The following TAF4 variants were observed in gnomAD, a reference collection of about 807,000 sequenced individuals.
TAF4 encodes TATA-box binding protein associated factor 4.
Under a neutral mutation model 90.3 loss-of-function variants are expected in TAF4, and 9 were observed. The observed-to-expected ratio is 0.10, with a 90% CI of 0.06 to 0.17. The LOEUF (loss-of-function observed/expected upper bound fraction) is 0.17, where lower values mean the gene tolerates loss of function less well. TAF4 is among the 10% of genes least tolerant of loss of function. The probability of loss-of-function intolerance (pLI) is 1.00; values close to 1 mark genes in which losing one functional copy is unlikely to be tolerated. For synonymous variants in TAF4, 818 were observed against 638.9 expected (o/e 1.28, Z -4.23); for missense variants, 1,351 against 1,370.7 (o/e 0.99, Z 0.23).
chr20:62,063,192 T>C (rs1600868505), intron 1 of TAF4, among the ~76,000 whole-genome samples: 1 of 151,952 alleles, frequency 6.6e-6, no homozygotes, highest in African/African-American at 2.4e-5. Context: ...AGACAGGCTT[T>C]CCCCACCCCT....
At chr20:62,063,930 G>A (rs906740393) in intron 1 of TAF4, among the ~76,000 whole-genome samples, 9 of 152,240 alleles carry the variant, frequency 5.9e-5, no homozygotes, top group African/African-American at 2.2e-4. Context: ...GTCCTCGCCT[G>A]GAGACTGAAG....
At chr20:62,011,560 A>T (rs1025980595) in intron 3 of TAF4, among the ~76,000 whole-genome samples, 2 of 152,240 alleles carry the variant, frequency 1.3e-5, no homozygotes, top group Non-Finnish European at 2.9e-5. Flanking sequence ...ACCAAAGGCC[A>T]GCACACATCT....
At chr20:62,034,325 A>AT in intron 1 of TAF4, among the ~76,000 whole-genome samples, 1 of 152,216 alleles carries the variant, frequency 6.6e-6, no homozygotes, top group South Asian at 2.1e-4. Flanking sequence ...AGAAAACGCA[A>AT]TTTTTTGTTT....
Position 62,065,061 on chromosome 20 carries a change from G to T in TAF4, c.750C>A (p.Pro250=), listed in dbSNP as rs2056118564. The T allele has an allele frequency of 1.3e-5, 11 of 851,972 alleles. No homozygotes were observed. The highest frequency in any genetic ancestry group is 1.4e-5 in the Non-Finnish European group (10 of 717,822). The allele number at this position is 851,972 out of a possible 1,614,324, so 52.8% of individuals were successfully genotyped here. Residue 250 remains proline, a synonymous_variant, in exon 1 of 15, where the codon CCC becomes CCA. Coordinates refer to ENST00000252996, the MANE Select transcript of TAF4 (RefSeq NM_003185.4). ...CGGGGGGCGAGGGCGCGGCGGGCGCGGGGGGCGCGGCGGCGCCCACGAAGG... is the reference window on the plus strand; with the variant it reads ...CGGGGGGCGAGGGCGCGGCGGGCGCTGGGGGCGCGGCGGCGCCCACGAAGG... ...TPPFVGAAAP[P]APAAPSPPAA...
intron 1 of TAF4, among the ~76,000 whole-genome samples, chr20:62,019,167 A>G (rs375654470): frequency 6.6e-6 from 1 of 152,226 alleles, no homozygotes; most frequent in Non-Finnish European, 1.5e-5. Flanking sequence ...TTCTTCACAG[A>G]AAGTTTAATA....
At chr20:62,000,353 C>A in intron 10 of TAF4, 99 bp from the exon 11 acceptor site, 1 of 1,507,806 alleles carries the variant, frequency 6.6e-7, no homozygotes, top group Non-Finnish European at 8.9e-7. Context: ...TTTATACAAC[C>A]CAAGGGGAGC....
intron 14 of TAF4, among the ~76,000 whole-genome samples, chr20:61,984,108 C>T (rs2055567318): frequency 6.6e-6 from 1 of 152,170 alleles, no homozygotes; most frequent in Non-Finnish European, 1.5e-5. Flanking sequence ...GTCAAGTGGA[C>T]AAAACTAAGC....
chr20:62,062,726 C>A (rs2056096236), intron 1 of TAF4, among the ~76,000 whole-genome samples: 2 of 152,170 alleles, frequency 1.3e-5, no homozygotes, highest in African/African-American at 4.8e-5. Context: ...TCATGATAAA[C>A]ACAGCAGAGA....
chr20:61,977,513 C>A (rs1372655037), intron 14 of TAF4, among the ~76,000 whole-genome samples: 2 of 152,226 alleles, frequency 1.3e-5, no homozygotes, highest in Non-Finnish European at 2.9e-5. Context: ...CCTTCCTCCC[C>A]CCTTCCCCGT....
intron 1 of TAF4, among the ~76,000 whole-genome samples, chr20:62,019,267 C>T (rs1421817590): frequency 6.6e-6 from 1 of 152,236 alleles, no homozygotes; most frequent in Non-Finnish European, 1.5e-5. Flanking sequence ...GCACCGTGCA[C>T]TTGGAAGCCG....
intron 9 of TAF4, 49 bp from the exon 10 acceptor site, chr20:62,000,770 G>T (rs772141365): frequency 1.2e-6 from 2 of 1,604,282 alleles, no homozygotes; most frequent in East Asian, 2.2e-5. Context: ...GAATTCATCG[G>T]GAGGTGGGCT....
rs1027734648 is a variant in TAF4 at position 62,014,821 on chromosome 20, G to T, written c.1361-114C>A. On this transcript the variant is annotated intron_variant, in intron 1 of 14. Coordinates refer to ENST00000252996, the MANE Select transcript of TAF4 (RefSeq NM_003185.4). ...GTGAGAAGGAAACAAAGGAAATCAAGTCTTAAACACACGAATCCCCCAAAC... is the reference window on the plus strand; with the variant it reads ...GTGAGAAGGAAACAAAGGAAATCAATTCTTAAACACACGAATCCCCCAAAC... 4.6e-5 allele frequency: 64 copies of T among 1,401,792 alleles called. No homozygotes were observed. In the Middle Eastern group the frequency reaches 1.6e-3, roughly 35 times the overall value. The allele number at this position is 1,401,792 out of a possible 1,614,324, so 86.8% of individuals were successfully genotyped here.
rs552361077 is a variant in TAF4 at position 62,047,221 on chromosome 20, C to T, written c.1360+17230G>A. The stretch of plus-strand genomic sequence containing the variant: ...AGGACAACTTCAGTGTCACTATGAG[C>T]GGGACACACTCTTACTAGCATGGGG... On this transcript the variant is annotated intron_variant, in intron 1 of 14. Coordinates refer to ENST00000252996, the MANE Select transcript of TAF4 (RefSeq NM_003185.4). 1.4e-4 allele frequency among the ~76,000 whole-genome samples: 21 copies of T among 152,260 alleles called. No homozygotes were observed. In the South Asian group the frequency reaches 4.1e-3, roughly 30 times the overall value.
At position 62,017,003 on chromosome 20, in the gene TAF4, C is replaced by T. The variant is rs373899762; in HGVS notation, c.1361-2296G>A. On this transcript the variant is annotated intron_variant, in intron 1 of 14. Transcript: ENST00000252996. Reference sequence around the variant, plus strand: ...AAAAATTTTTTTTTAATTAGCCAGGCGTGGTGGCACACCTGTAGTTCCAGC... The same window carrying T: ...AAAAATTTTTTTTTAATTAGCCAGGTGTGGTGGCACACCTGTAGTTCCAGC... Among the ~76,000 whole-genome samples, 20 of 152,000 alleles carry T rather than the reference C, an allele frequency of 1.3e-4. 1 individual carries two copies. Among genetic ancestry groups the T allele is most frequent in the African/African-American group, 4.6e-4 (19 of 41,446 alleles).
chr20:62,007,970 C>T lies in TAF4; in HGVS notation c.1885-334G>A, dbSNP rs2055756953. 3.7e-5 allele frequency: 8 copies of T among 215,368 alleles called. 1 individual carries two copies. The South Asian group carries it at 5.6e-4, about 15-fold the overall frequency. The allele number at this position is 215,368 out of a possible 1,614,324, so 13.3% of individuals were successfully genotyped here. On this transcript the variant is annotated intron_variant, in intron 5 of 14. Coordinates refer to ENST00000252996, the MANE Select transcript of TAF4 (RefSeq NM_003185.4). ...CGGTGTCAGGCATTTTGCTAGGAGG[C>T]AGATCAGCCTAAAAGTAACTCCATT...
chr20:62,041,368 G>GCT (rs2055962877), intron 1 of TAF4, among the ~76,000 whole-genome samples: 1 of 152,146 alleles, frequency 6.6e-6, no homozygotes. Flanking sequence ...GTACAGCCAC[G>GCT]CCTCACATCA....
At chr20:62,057,621 G>A (rs902244512) in intron 1 of TAF4, among the ~76,000 whole-genome samples, 8 of 147,944 alleles carry the variant, frequency 5.4e-5, no homozygotes, top group Non-Finnish European at 9.0e-5. Context: ...ACCTCAGGAA[G>A]GACGGACACA....
chr20:62,007,562 A>C lies in TAF4; in HGVS notation c.1959T>G (p.Leu653=). The C allele has an allele frequency of 1.2e-6, 2 of 1,613,708 alleles. No homozygotes were observed. Among genetic ancestry groups the C allele is most frequent in the Non-Finnish European group, 1.7e-6 (2 of 1,179,838 alleles). Residue 653 remains leucine, a synonymous_variant, in exon 6 of 15, where the codon CTT becomes CTG. Coordinates refer to ENST00000252996, the MANE Select transcript of TAF4 (RefSeq NM_003185.4). The part of the protein sequence containing the change: ...RELNSSPQPY[L]VPFLKRSLPA... ...TTGAAATTACCTTCAGGAAAGGCACAAGGTAAGGTTGAGGTGAAGAATTAA... is the reference window on the plus strand; with the variant it reads ...TTGAAATTACCTTCAGGAAAGGCACCAGGTAAGGTTGAGGTGAAGAATTAA...
At chr20:62,050,345 G>T (rs35683654) in intron 1 of TAF4, among the ~76,000 whole-genome samples, 35,086 of 152,068 alleles carry the variant, frequency 0.23, 5,036 homozygotes, top group South Asian at 0.36. Context: ...TCTCCTGCCA[G>T]TCTGGACCTG....
Sources: gnomAD v4.1 joint callset for allele counts (sites outside exome capture counted in the v4.1 genomes callset) on GRCh38, gnomAD v4.1.1 for gene constraint, MANE v1.5 for transcripts, NCBI Gene and HGNC (gene_info 2026-07-23, HGNC 2026-07-21) for gene names.